The following AAK1 variants were observed in gnomAD, a reference collection of about 807,000 sequenced individuals.
The protein encoded by AAK1 is AP2-associated protein kinase 1.
A neutral mutation model predicts 116.0 loss-of-function variants in AAK1; 37 were observed. The ratio of observed to expected loss-of-function variants is 0.32; its 90% CI spans 0.25 to 0.42. The LOEUF is 0.42. Ranked by LOEUF, AAK1 falls within the 10% of genes least tolerant of loss-of-function variation. The pLI is 1.00. For missense variants in AAK1, 919 were observed against 1,170.6 expected (o/e 0.79, Z 3.14); for synonymous variants, 458 against 439.9 (o/e 1.04, Z -0.51).
At chr2:69,562,048 T>A (rs1671665233) in intron 2 of AAK1, among the ~76,000 whole-genome samples, 1 of 152,250 alleles carries the variant, frequency 6.6e-6, no homozygotes, top group Non-Finnish European at 1.5e-5. Context: ...TACAGAAGTC[T>A]TTTTTATGGA....
chr2:69,485,279 T>G (rs1370680806), intron 17 of AAK1, among the ~76,000 whole-genome samples: 1 of 152,232 alleles, frequency 6.6e-6, no homozygotes, highest in African/African-American at 2.4e-5. Flanking sequence ...CAGTTTATCT[T>G]GGTGCAAAAC....
intron 2 of AAK1, among the ~76,000 whole-genome samples, chr2:69,623,678 A>G (rs1218470796): frequency 6.6e-6 from 1 of 152,112 alleles, no homozygotes; most frequent in Non-Finnish European, 1.5e-5. Flanking sequence ...TTTAAACCCC[A>G]CAACTCTGAA....
In AAK1 at chr2:69,472,558, T is replaced by A; in HGVS notation, c.*3311A>T. 1.1e-6 allele frequency: 1 copy of A among 921,288 alleles called. No individual in the cohort carries two copies. Among genetic ancestry groups the A allele is most frequent in the Non-Finnish European group, 1.3e-6 (1 of 771,518 alleles). The allele number at this position is 921,288 out of a possible 1,614,324, so 57.1% of individuals were successfully genotyped here. ...ATATGTCTGCTAAAGAAATCATTAA[T>A]TATAATAATTATAATCATACTTAGA... On this transcript the variant is annotated 3_prime_UTR_variant, in exon 22 of 22. Transcript: ENST00000409085.
At position 69,474,662 on chromosome 2, in the gene AAK1, A is replaced by C; in HGVS notation, c.*1207T>G. 2.0e-6 allele frequency: 2 copies of C among 985,800 alleles called. No homozygotes were observed. The highest frequency in any genetic ancestry group is 2.4e-6 in the Non-Finnish European group (2 of 829,916). 61.1% of individuals were successfully genotyped at this position (985,800 alleles called of 1,614,324 possible). On this transcript the variant is annotated 3_prime_UTR_variant, in exon 22 of 22. Coordinates refer to ENST00000409085, the MANE Select transcript of AAK1 (RefSeq NM_014911.5). ...CCCAGATTGTGTCCAGCTTGTCAGC[A>C]CACTTATTTCTGATTATCTGAAAAT...
chr2:69,636,265 A>G (rs538121827), intron 2 of AAK1, among the ~76,000 whole-genome samples: 2 of 152,368 alleles, frequency 1.3e-5, no homozygotes, highest in Admixed American at 1.3e-4. Context: ...CAGAGCTGTC[A>G]TATCTATTCC....
In AAK1 at chr2:69,465,719, A is replaced by T. The variant is rs1221903415; in HGVS notation, c.*10150T>A. 2 of 1,290,802 alleles carry T rather than the reference A, an allele frequency of 1.5e-6. No individual in the cohort carries two copies. Among genetic ancestry groups the T allele is most frequent in the African/African-American group, 3.0e-5 (2 of 65,838 alleles). 80.0% of individuals were successfully genotyped at this position (1,290,802 alleles called of 1,614,324 possible). A position where few individuals can be genotyped will look rare whatever the true frequency, so the allele number is the denominator to read the frequency against. On this transcript the variant is annotated 3_prime_UTR_variant, in exon 22 of 22. Transcript: ENST00000409085. The stretch of plus-strand genomic sequence containing the variant: ...GCTGAGGTCCTTTGTTTCTGTCATT[A>T]GAATGACCCCCAGATTCCAGGCAGG...
Position 69,474,386 on chromosome 2 carries a change from A to G in AAK1, c.*1483T>C. ...TTCTTTTCAAAAGGGTGATTTTATA[A>G]AAGTGCTTTCCACATAAGGAAATAA... On this transcript the variant is annotated 3_prime_UTR_variant, in exon 22 of 22. Transcript: ENST00000409085. 1.0e-6 allele frequency: 1 copy of G among 985,846 alleles called. No homozygotes were observed. The highest frequency in any genetic ancestry group is 1.2e-6 in the Non-Finnish European group (1 of 829,922). 61.1% of individuals were successfully genotyped at this position (985,846 alleles called of 1,614,324 possible). A position where few individuals can be genotyped will look rare whatever the true frequency, so the allele number is the denominator to read the frequency against.
Position 69,472,052 on chromosome 2 carries a change from G to T in AAK1, c.*3817C>A. 1.0e-6 allele frequency: 1 copy of T among 985,244 alleles called. No individual in the cohort carries two copies. Among genetic ancestry groups the T allele is most frequent in the Non-Finnish European group, 1.2e-6 (1 of 829,802 alleles). 61.0% of individuals were successfully genotyped at this position (985,244 alleles called of 1,614,324 possible). A position where few individuals can be genotyped will look rare whatever the true frequency, so the allele number is the denominator to read the frequency against. Reference sequence around the variant, plus strand: ...GAACAAAGTGACAACTTCTTTCAGAGGTGTTTTAATACCCATATCTTTCAA... The same window carrying T: ...GAACAAAGTGACAACTTCTTTCAGATGTGTTTTAATACCCATATCTTTCAA... On this transcript the variant is annotated 3_prime_UTR_variant, in exon 22 of 22. Coordinates refer to ENST00000409085, the MANE Select transcript of AAK1 (RefSeq NM_014911.5).
In AAK1 at chr2:69,467,240, T is replaced by C. The variant is rs1327593971; in HGVS notation, c.*8629A>G. ...CTTCTAAGTTCATAAAGATCTCCTC[T>C]GCTTAAATGAATCTGCCATAAAGTT... On this transcript the variant is annotated 3_prime_UTR_variant, in exon 22 of 22. Coordinates refer to ENST00000409085, the MANE Select transcript of AAK1 (RefSeq NM_014911.5). 3 of 985,336 alleles carry C rather than the reference T, an allele frequency of 3.0e-6. No homozygotes were observed. The highest frequency in any genetic ancestry group is 3.6e-6 in the Non-Finnish European group (3 of 829,944). The allele number at this position is 985,336 out of a possible 1,614,324, so 61.0% of individuals were successfully genotyped here. A position where few individuals can be genotyped will look rare whatever the true frequency, so the allele number is the denominator to read the frequency against.
chr2:69,580,395 AT>A (rs1166636321), intron 2 of AAK1, among the ~76,000 whole-genome samples: 1 of 152,214 alleles, frequency 6.6e-6, no homozygotes. Flanking sequence ...GAAAAGTGGA[AT>A]TTGGTATAAG....
At chr2:69,503,998 T>TA (rs11461187) in intron 16 of AAK1, among the ~76,000 whole-genome samples, 50,969 of 135,824 alleles carry the variant, frequency 0.38, 9,954 homozygotes, top group East Asian at 0.52. Flanking sequence ...AAATTCCGTC[T>TA]AAAAAAAAAA....
chr2:69,547,134 C>A (rs569223444), intron 3 of AAK1, among the ~76,000 whole-genome samples: 2 of 152,228 alleles, frequency 1.3e-5, no homozygotes, highest in African/African-American at 4.8e-5. Context: ...AACATTAACT[C>A]AAAATGGATC....
chr2:69,466,707 C>A lies in AAK1; in HGVS notation c.*9162G>T. 1.0e-6 allele frequency: 1 copy of A among 985,416 alleles called. No homozygotes were observed. The highest frequency in any genetic ancestry group is 1.2e-6 in the Non-Finnish European group (1 of 829,922). The allele number at this position is 985,416 out of a possible 1,614,324, so 61.0% of individuals were successfully genotyped here. ...TAAAAATAAAAGTCAGGCAAGGAAACTGCACACAAACTGGAACACAATCAA... is the reference window on the plus strand; with the variant it reads ...TAAAAATAAAAGTCAGGCAAGGAAAATGCACACAAACTGGAACACAATCAA... On this transcript the variant is annotated 3_prime_UTR_variant, in exon 22 of 22. Coordinates refer to ENST00000409085, the MANE Select transcript of AAK1 (RefSeq NM_014911.5).
intron 3 of AAK1, among the ~76,000 whole-genome samples, chr2:69,553,976 C>G (rs1671289886): frequency 6.6e-6 from 1 of 150,924 alleles, no homozygotes; most frequent in African/African-American, 2.4e-5. Flanking sequence ...AGTGGGGAAG[C>G]TGAGGTAGGA....
intron 3 of AAK1, among the ~76,000 whole-genome samples, chr2:69,555,836 T>C (rs1371629297): frequency 6.6e-6 from 1 of 151,348 alleles, no homozygotes; most frequent in Non-Finnish European, 1.5e-5. Flanking sequence ...TATAATTATG[T>C]ATAATATTAC....
At chr2:69,571,585 T>C (rs908766981) in intron 2 of AAK1, among the ~76,000 whole-genome samples, 1 of 152,190 alleles carries the variant, frequency 6.6e-6, no homozygotes. Flanking sequence ...CTCAATAATA[T>C]GAGTTTCAAT....
At chr2:69,495,395 C>T (rs1675697530) in intron 17 of AAK1, among the ~76,000 whole-genome samples, 2 of 152,106 alleles carry the variant, frequency 1.3e-5, no homozygotes, top group African/African-American at 4.8e-5. Context: ...TCCTGCAGTC[C>T]AACACACTTC....
intron 18 of AAK1, 48 bp downstream of exon 18, chr2:69,482,663 A>C (rs762599014): frequency 6.9e-7 from 1 of 1,457,176 alleles, no homozygotes; most frequent in Non-Finnish European, 9.6e-7. Flanking sequence ...TTCTTGAAAC[A>C]GGCACACATA....
At chr2:69,544,017 C>G (rs1670828142) in intron 4 of AAK1, among the ~76,000 whole-genome samples, 1 of 152,144 alleles carries the variant, frequency 6.6e-6, no homozygotes, top group South Asian at 2.1e-4. Context: ...AAAAAGGATG[C>G]TTTTACCCCG....
Sources: allele counts gnomAD v4.1 joint callset (sites outside exome capture counted in the v4.1 genomes callset), GRCh38; gene constraint gnomAD v4.1.1; transcripts MANE v1.5; gene names NCBI Gene and HGNC (gene_info 2026-07-23, HGNC 2026-07-21).